Variants in DLG2 observed in about 807,000 individuals in gnomAD.
DLG2 encodes disks large homolog 2.
Under a neutral mutation model 132.5 loss-of-function variants are expected in DLG2, and 45 were observed. That is an observed-to-expected ratio of 0.34 (90% CI 0.27 to 0.44). The LOEUF is 0.44. Among genes scored for constraint, DLG2 ranks in the 20% least tolerant of loss-of-function variants. The pLI, the probability that DLG2 is intolerant of heterozygous loss-of-function variation, is 1.00. For missense variants in DLG2, 1,045 were observed against 1,196.9 expected (o/e 0.87, Z 1.87); for synonymous variants, 424 against 419.6 (o/e 1.01, Z -0.13).
chr11:84,504,256 T>C (rs185418572), intron 7 of DLG2, among the ~76,000 whole-genome samples: 43 of 152,274 alleles, frequency 2.8e-4, no homozygotes, highest in Middle Eastern at 3.4e-3. Context: ...ACTATCCTCT[T>C]CTACAAAGGG....
intron 19 of DLG2, among the ~76,000 whole-genome samples, chr11:83,557,945 T>C (rs1375999554): frequency 6.6e-6 from 1 of 152,082 alleles, no homozygotes; most frequent in Non-Finnish European, 1.5e-5. Context: ...CAAGGGGCCT[T>C]TTTCAATTTT....
At chr11:84,109,942 T>C (rs2154191345) in intron 9 of DLG2, among the ~76,000 whole-genome samples, 1 of 152,322 alleles carries the variant, frequency 6.6e-6, no homozygotes, top group Non-Finnish European at 1.5e-5. Context: ...ATCTTGTTGA[T>C]TCTACCCCTG....
chr11:85,405,560 C>G (rs1565444504), intron 3 of DLG2, among the ~76,000 whole-genome samples: 1 of 151,956 alleles, frequency 6.6e-6, no homozygotes. Context: ...TACCATCCAC[C>G]AGACACTATG....
chr11:85,063,474 C>G (rs1194635082), intron 6 of DLG2, among the ~76,000 whole-genome samples: 1 of 151,780 alleles, frequency 6.6e-6, no homozygotes, highest in Non-Finnish European at 1.5e-5. Context: ...CTTTATGGGG[C>G]TCCTAGAAAT....
At chr11:83,825,228 C>A (rs1254948176) in intron 17 of DLG2, among the ~76,000 whole-genome samples, 1 of 128,396 alleles carries the variant, frequency 7.8e-6, no homozygotes, top group African/African-American at 3.0e-5. Flanking sequence ...GTTGCCCAGG[C>A]TGGAATGCAA....
intron 4 of DLG2, among the ~76,000 whole-genome samples, chr11:85,216,185 T>C (rs1031962205): frequency 6.6e-6 from 1 of 152,114 alleles, no homozygotes; most frequent in Non-Finnish European, 1.5e-5. Flanking sequence ...AAGAAAGTTT[T>C]TTAAAAGGCA....
chr11:83,984,132 T>A (rs2093033046), intron 11 of DLG2, among the ~76,000 whole-genome samples: 1 of 152,022 alleles, frequency 6.6e-6, no homozygotes, highest in African/African-American at 2.4e-5. Context: ...GTAGTTGACA[T>A]TTGAAGTTGA....
intron 3 of DLG2, among the ~76,000 whole-genome samples, chr11:85,464,286 TGAGA>T (rs921341572): frequency 1.3e-5 from 2 of 152,010 alleles, no homozygotes; most frequent in Non-Finnish European, 1.5e-5. Context: ...CAGCATTGCA[TGAGA>T]GAGAGTTTAA....
chr11:84,258,193 C>T (rs1177482315), intron 7 of DLG2, among the ~76,000 whole-genome samples: 1 of 152,138 alleles, frequency 6.6e-6, no homozygotes. Flanking sequence ...CTGACTGATT[C>T]AGGCATTCTT....
At chr11:84,359,313 C>T (rs767518988) in intron 7 of DLG2, among the ~76,000 whole-genome samples, 1 of 151,820 alleles carries the variant, frequency 6.6e-6, no homozygotes, top group Non-Finnish European at 1.5e-5. Flanking sequence ...CTTAACAAAT[C>T]TCATTGAAGC....
At chr11:84,017,004 C>G (rs1044920650) in intron 11 of DLG2, among the ~76,000 whole-genome samples, 2 of 151,810 alleles carry the variant, frequency 1.3e-5, no homozygotes. Context: ...AGATTAGGAG[C>G]CAACCCAGTG....
intron 11 of DLG2, among the ~76,000 whole-genome samples, chr11:84,040,085 A>C (rs1174869499): frequency 1.3e-5 from 2 of 150,764 alleles, no homozygotes; most frequent in Non-Finnish European, 3.0e-5. Context: ...TTTTCTTGTA[A>C]ATTTGTTTGA....
chr11:85,506,546 C>T (rs141366459), intron 3 of DLG2, among the ~76,000 whole-genome samples: 3,312 of 152,036 alleles, frequency 0.022, 84 homozygotes, highest in African/African-American at 0.074. Context: ...TTTCTTAATC[C>T]TGAGTTCTAA....
At chr11:85,136,900 T>C (rs185914147) in intron 5 of DLG2, among the ~76,000 whole-genome samples, 179 of 152,228 alleles carry the variant, frequency 1.2e-3, no homozygotes, top group Non-Finnish European at 2.3e-3. Flanking sequence ...TAATCACAGC[T>C]CTAGTTATGC....
At chr11:84,042,357 C>T (rs1224393000) in intron 11 of DLG2, among the ~76,000 whole-genome samples, 1 of 151,550 alleles carries the variant, frequency 6.6e-6, no homozygotes, top group Non-Finnish European at 1.5e-5. Flanking sequence ...AAGCCTGGAT[C>T]TCTCTCATTA....
chr11:83,701,472 C>T (rs1023749662), intron 18 of DLG2, among the ~76,000 whole-genome samples: 8 of 152,064 alleles, frequency 5.3e-5, no homozygotes, highest in African/African-American at 1.9e-4. Flanking sequence ...CATTTAGGGG[C>T]CACTTCAGGT....
intron 20 of DLG2, among the ~76,000 whole-genome samples, chr11:83,537,807 CAA>C (rs1164386994): frequency 5.5e-5 from 1 of 18,298 alleles, no homozygotes; most frequent in Non-Finnish European, 1.0e-4. Context: ...GACTCTGTCT[CAA>C]AAAAAAAAAA....
rs567784326 is a variant in DLG2 at position 83,582,556 on chromosome 11, A to G, written c.1941-40698T>C. Among the ~76,000 whole-genome samples the G allele has an allele frequency of 5.3e-5, 8 of 152,316 alleles. No homozygotes were observed. The South Asian group carries it at 1.4e-3, about 28-fold the overall frequency. ...ATGCCCACAGCTCATCAGCAAAATC[A>G]TAAACTGGTTCATACTTAGCACTAG... On this transcript the variant is annotated intron_variant, in intron 19 of 27. Coordinates refer to ENST00000376104, the MANE Select transcript of DLG2 (RefSeq NM_001142699.3).
At chr11:84,166,066 A>C (rs759775607) in intron 8 of DLG2, among the ~76,000 whole-genome samples, 3 of 152,200 alleles carry the variant, frequency 2.0e-5, no homozygotes, top group Non-Finnish European at 1.5e-5. Context: ...CCAGTGAGAG[A>C]GTTCAGAAAA....
Sources: gnomAD v4.1 joint callset for allele counts (sites outside exome capture counted in the v4.1 genomes callset) on GRCh38, gnomAD v4.1.1 for gene constraint, MANE v1.5 for transcripts, NCBI Gene and HGNC (gene_info 2026-07-23, HGNC 2026-07-21) for gene names.